POU2F1: variants seen among roughly 807,000 people sequenced by gnomAD.
POU2F1 encodes POU class 2 homeobox 1.
In POU2F1, 16 loss-of-function variants were observed where a neutral mutation model predicts 84.9. That is an observed-to-expected ratio of 0.19 (90% CI 0.13 to 0.29). The LOEUF is 0.29. POU2F1 is among the 10% of genes least tolerant of loss of function. The pLI is 1.00. For synonymous variants in POU2F1, 368 were observed against 368.3 expected (o/e 1.00, Z 0.01); for missense variants, 738 against 942.6 (o/e 0.78, Z 2.84).
chr1:167,252,356 A>G (rs1650794671), intron 1 of POU2F1, among the ~76,000 whole-genome samples: 1 of 152,122 alleles, frequency 6.6e-6, no homozygotes. Context: ...TATTTGACCA[A>G]CAGTCCAGGT....
chr1:167,329,281 G>T, intron 1 of POU2F1: 1 of 1,548,600 alleles, frequency 6.5e-7, no homozygotes, highest in South Asian at 1.2e-5. Context: ...TCACAGCAAT[G>T]CTGGACTGCA....
intron 1 of POU2F1, among the ~76,000 whole-genome samples, chr1:167,317,627 A>G (rs1656001269): frequency 6.6e-6 from 1 of 152,228 alleles, no homozygotes; most frequent in Admixed American, 6.5e-5. Context: ...CATGTCCTTA[A>G]GGCACAGATT....
chr1:167,341,895 A>G (rs904541986), intron 2 of POU2F1, among the ~76,000 whole-genome samples: 3 of 152,162 alleles, frequency 2.0e-5, no homozygotes, highest in Non-Finnish European at 4.4e-5. Context: ...AGGGAATGGA[A>G]TGGGAAGATG....
chr1:167,374,805 C>T (rs1396703875), intron 6 of POU2F1, among the ~76,000 whole-genome samples: 2 of 152,164 alleles, frequency 1.3e-5, no homozygotes, highest in African/African-American at 2.4e-5. Flanking sequence ...CGGTGGCTCA[C>T]GCCTGTAATC....
At chr1:167,332,412 C>CA in intron 1 of POU2F1, 58 bp from the exon 2 acceptor site, 2 of 1,392,446 alleles carry the variant, frequency 1.4e-6, no homozygotes, top group South Asian at 2.3e-5. Context: ...TTTGCCTCCT[C>CA]AATCCCATCT....
chr1:167,356,354 T>A (rs1436373356), intron 2 of POU2F1, among the ~76,000 whole-genome samples: 1 of 151,964 alleles, frequency 6.6e-6, no homozygotes, highest in Non-Finnish European at 1.5e-5. Context: ...TAAACTCTCT[T>A]ATTCTAATAA....
At chr1:167,329,879 CTTTT>C (rs1395652524) in intron 1 of POU2F1, among the ~76,000 whole-genome samples, 2 of 152,086 alleles carry the variant, frequency 1.3e-5, no homozygotes, top group East Asian at 3.9e-4. Flanking sequence ...GATTAGTCCT[CTTTT>C]TAATTTTTTT....
At position 167,291,359 on chromosome 1, in the gene POU2F1, A is replaced by C. The variant is rs985375045; in HGVS notation, c.62-41111A>C. On this transcript the variant is annotated intron_variant, in intron 1 of 15. Coordinates refer to ENST00000367866, the MANE Select transcript of POU2F1 (RefSeq NM_002697.4). ...GCCTTTTATGTTAGATTTGATTCTA[A>C]ATCTAATGATATAGGACAGCGGTGC... Among the ~76,000 whole-genome samples the C allele has an allele frequency of 5.3e-5, 8 of 152,218 alleles. 1 individual carries two copies. In the South Asian group the frequency reaches 1.7e-3, roughly 32 times the overall value.
intron 2 of POU2F1, among the ~76,000 whole-genome samples, chr1:167,332,921 G>T (rs1657171139): frequency 6.6e-6 from 1 of 152,134 alleles, no homozygotes; most frequent in Non-Finnish European, 1.5e-5. Context: ...AGGTTATTGT[G>T]AGTATTAAAG....
At position 167,351,540 on chromosome 1, in the gene POU2F1, A is replaced by AAAAG. The variant is rs1198139222; in HGVS notation, c.128-13915_128-13912dup. Among the ~76,000 whole-genome samples the AAAAG allele has an allele frequency of 2.3e-3, 335 of 143,820 alleles. 1 individual carries two copies. Among genetic ancestry groups the AAAAG allele is most frequent in the African/African-American group, 8.9e-3 (315 of 35,236 alleles). The allele number at this position is 143,820 out of a possible 152,430, so 94.4% of individuals were successfully genotyped here. On this transcript the variant is annotated intron_variant, in intron 2 of 15. Coordinates refer to ENST00000367866, the MANE Select transcript of POU2F1 (RefSeq NM_002697.4). ...ATCTCAAAAAAAAAAAAAAAAAAAA[A>AAAAG]AAAGAAAGAAAGAAAAAAAAGAAAA...
intron 7 of POU2F1, among the ~76,000 whole-genome samples, chr1:167,381,952 T>C (rs1403608592): frequency 2.0e-5 from 3 of 147,198 alleles, no homozygotes; most frequent in African/African-American, 7.6e-5. Context: ...TTTAGTCTTT[T>C]CAAAACAATT....
Position 167,383,835 on chromosome 1 carries a change from A to G in POU2F1, c.719-22A>G, listed in dbSNP as rs754732099. 9.5e-6 allele frequency: 15 copies of G among 1,585,198 alleles called. 1 individual carries two copies. The South Asian group carries it at 1.7e-4, about 18-fold the overall frequency. On this transcript the variant is annotated intron_variant, in intron 7 of 15. Transcript: ENST00000367866. ...TCGAAGAAATCTTTAATGTTTCTGG[A>G]TAACATGTTTTTCTTCTACAGGTCT...
At chr1:167,234,958 G>A (rs1481828786) in intron 1 of POU2F1, among the ~76,000 whole-genome samples, 5 of 152,190 alleles carry the variant, frequency 3.3e-5, no homozygotes, top group Admixed American at 3.3e-4. Context: ...ATGCAAAAAG[G>A]TGGATTTGTT....
intron 7 of POU2F1, among the ~76,000 whole-genome samples, chr1:167,376,751 T>TC (rs1660356523): frequency 1.3e-5 from 2 of 152,224 alleles, no homozygotes; most frequent in African/African-American, 4.8e-5. Context: ...CTAATGATTC[T>TC]TTATTATTTC....
At chr1:167,321,140 G>C (rs954344975) in intron 1 of POU2F1, among the ~76,000 whole-genome samples, 1 of 152,174 alleles carries the variant, frequency 6.6e-6, no homozygotes, top group Non-Finnish European at 1.5e-5. Flanking sequence ...AATATTTCTC[G>C]AGTGGGGGCA....
chr1:167,410,316 T>C (rs1557967773), intron 13 of POU2F1, among the ~76,000 whole-genome samples: 1 of 152,128 alleles, frequency 6.6e-6, no homozygotes, highest in Non-Finnish European at 1.5e-5. Flanking sequence ...TCTGAGTCTC[T>C]CCCAACCCTG....
Position 167,389,619 on chromosome 1 carries a change from C to A in POU2F1, c.845C>A (p.Thr282Asn). The A allele has an allele frequency of 1.9e-6, 3 of 1,614,190 alleles. No individual in the cohort carries two copies. The highest frequency in any genetic ancestry group is 2.5e-6 in the Non-Finnish European group (3 of 1,180,044). The change falls in exon 9 of 16, where the codon ACC becomes AAC. Residue 282 changes from threonine to asparagine, a missense_variant. This residue lies in a region of POU2F1 where 163 missense variants were observed against 214.4 expected (regional missense o/e 0.76). Coordinates refer to ENST00000367866, the MANE Select transcript of POU2F1 (RefSeq NM_002697.4). ...ACCCCAACACGCACAATAGCAGCAA[C>A]CCCAATTCAGACACTTCCACAGAGC... ...PATPTRTIAA[T>N]PIQTLPQSQS...
intron 1 of POU2F1, among the ~76,000 whole-genome samples, chr1:167,243,830 C>G (rs572856761): frequency 6.6e-6 from 1 of 152,286 alleles, no homozygotes; most frequent in African/African-American, 2.4e-5. Flanking sequence ...TATAACATGT[C>G]CCATGTAATT....
intron 15 of POU2F1, among the ~76,000 whole-genome samples, chr1:167,413,704 T>G (rs1236029134): frequency 6.6e-6 from 1 of 152,208 alleles, no homozygotes; most frequent in Non-Finnish European, 1.5e-5. Flanking sequence ...TCCTTTTGCC[T>G]TTTAGCATGT....
Sources: gnomAD v4.1 joint callset for allele counts (sites outside exome capture counted in the v4.1 genomes callset) on GRCh38, gnomAD v4.1.1 for gene constraint, gnomAD v4.1.1 regional missense constraint, MANE v1.5 for transcripts, NCBI Gene and HGNC (gene_info 2026-07-23, HGNC 2026-07-21) for gene names.